Variants in KLHL32 observed in about 807,000 individuals in gnomAD.
KLHL32 encodes kelch-like protein 32.
A neutral mutation model predicts 64.8 loss-of-function variants in KLHL32; 35 were observed. That is an observed-to-expected ratio of 0.54 (90% CI 0.41 to 0.72). The LOEUF (loss-of-function observed/expected upper bound fraction) is 0.72, where lower values mean the gene tolerates loss of function less well. Among genes scored for constraint, KLHL32 ranks in the 30% least tolerant of loss-of-function variants. KLHL32 has a pLI of 0.00. For synonymous variants in KLHL32, 259 were observed against 281.0 expected, an observed-to-expected ratio of 0.92 and a Z score of 0.78; for missense variants, 589 against 768.5, an observed-to-expected ratio of 0.77 and a Z score of 2.76.
At chr6:97,125,333 ATTC>A (rs1798763183) in intron 7 of KLHL32, among the ~76,000 whole-genome samples, 1 of 152,122 alleles carries the variant, frequency 6.6e-6, no homozygotes, top group African/African-American at 2.4e-5. Flanking sequence ...AATCCTCTGG[ATTC>A]TTGTTGACTT....
At chr6:97,056,041 A>G (rs757552664) in intron 4 of KLHL32, among the ~76,000 whole-genome samples, 1 of 149,926 alleles carries the variant, frequency 6.7e-6, no homozygotes, top group Non-Finnish European at 1.5e-5. Flanking sequence ...AAATACTGTC[A>G]TATGTGACCT....
At chr6:97,029,433 A>G (rs992814175) in intron 3 of KLHL32, among the ~76,000 whole-genome samples, 14 of 152,220 alleles carry the variant, frequency 9.2e-5, no homozygotes, top group Non-Finnish European at 1.5e-4. Flanking sequence ...GAAAATTGGT[A>G]TTTTACAGAT....
chr6:97,015,878 A>G (rs549309781), intron 3 of KLHL32, among the ~76,000 whole-genome samples: 1 of 152,262 alleles, frequency 6.6e-6, no homozygotes, highest in Admixed American at 6.5e-5. Context: ...GGTCCCCTGC[A>G]TCTCAGCCAT....
chr6:96,984,228 C>T (rs1343639741), intron 3 of KLHL32, among the ~76,000 whole-genome samples: 1 of 152,218 alleles, frequency 6.6e-6, no homozygotes, highest in Admixed American at 6.5e-5. Context: ...AGTTTGATTG[C>T]ACTGTGGTCT....
At chr6:96,996,002 A>C (rs80136860) in intron 3 of KLHL32, among the ~76,000 whole-genome samples, 1,957 of 152,286 alleles carry the variant, frequency 0.013, 19 homozygotes, top group Non-Finnish European at 0.022. Flanking sequence ...ATAGCAAGAG[A>C]AATGAGGGGC....
At chr6:97,080,094 A>G (rs1792254869) in intron 5 of KLHL32, among the ~76,000 whole-genome samples, 1 of 152,202 alleles carries the variant, frequency 6.6e-6, no homozygotes, top group Non-Finnish European at 1.5e-5. Context: ...TTGGACTGTA[A>G]AAGAAATTTG....
At chr6:96,986,375 G>A (rs1777066238) in intron 3 of KLHL32, among the ~76,000 whole-genome samples, 2 of 152,198 alleles carry the variant, frequency 1.3e-5, no homozygotes, top group Non-Finnish European at 2.9e-5. Context: ...TGCATGCTGG[G>A]AGAACCACTA....
intron 1 of KLHL32, among the ~76,000 whole-genome samples, chr6:96,963,975 A>G (rs1465484043): frequency 1.3e-5 from 2 of 152,224 alleles, no homozygotes; most frequent in East Asian, 3.8e-4. Context: ...AAGTGACAGA[A>G]AAAGAGCCAC....
chr6:96,968,559 A>G (rs1774746612), intron 2 of KLHL32, among the ~76,000 whole-genome samples: 1 of 152,126 alleles, frequency 6.6e-6, no homozygotes, highest in Non-Finnish European at 1.5e-5. Context: ...CATACTTAAA[A>G]TAATTTTTTA....
intron 6 of KLHL32, among the ~76,000 whole-genome samples, chr6:97,101,335 C>A (rs1412239239): frequency 6.6e-6 from 1 of 152,162 alleles, no homozygotes; most frequent in African/African-American, 2.4e-5. Context: ...TTACCTCCAA[C>A]AATTCCAAAT....
chr6:97,106,096 C>T (rs892607837), intron 6 of KLHL32, among the ~76,000 whole-genome samples: 1 of 152,028 alleles, frequency 6.6e-6, no homozygotes, highest in Non-Finnish European at 1.5e-5. Context: ...TTAAAAGAAT[C>T]AGGAATTTTA....
intron 3 of KLHL32, among the ~76,000 whole-genome samples, chr6:97,012,935 T>A (rs1780604297): frequency 6.6e-6 from 1 of 152,218 alleles, no homozygotes; most frequent in Non-Finnish European, 1.5e-5. Context: ...TCCTCAGCAC[T>A]CTAAGTCCAA....
At chr6:97,118,722 C>T (rs1798071429) in intron 7 of KLHL32, among the ~76,000 whole-genome samples, 1 of 151,970 alleles carries the variant, frequency 6.6e-6, no homozygotes, top group Non-Finnish European at 1.5e-5. Flanking sequence ...TGGTCACACA[C>T]ACACAAAACT....
chr6:97,046,175 A>G (rs755617919), intron 4 of KLHL32, among the ~76,000 whole-genome samples: 15 of 152,156 alleles, frequency 9.9e-5, no homozygotes, highest in Non-Finnish European at 1.9e-4. Flanking sequence ...ACCTTCTGAA[A>G]AAGCCAGGGG....
Position 97,074,071 on chromosome 6 carries a change from G to T in KLHL32, c.411+9345G>T, listed in dbSNP as rs374690683. ...CTTCAGAGGCACAGTTGAAGGCCTCGGGTCACACAGTTTGTTTGCTGCAAC... is the reference window on the plus strand; with the variant it reads ...CTTCAGAGGCACAGTTGAAGGCCTCTGGTCACACAGTTTGTTTGCTGCAAC... On this transcript the variant is annotated intron_variant, in intron 5 of 10. Coordinates refer to ENST00000369261, the MANE Select transcript of KLHL32 (RefSeq NM_052904.4). Among the ~76,000 whole-genome samples the T allele has an allele frequency of 5.3e-5, 8 of 152,262 alleles. 1 individual carries two copies. Among genetic ancestry groups the T allele is most frequent in the African/African-American group, 1.9e-4 (8 of 41,558 alleles).
chr6:96,969,601 C>A (rs1384085418), intron 2 of KLHL32, among the ~76,000 whole-genome samples: 1 of 152,156 alleles, frequency 6.6e-6, no homozygotes. Context: ...CAAAAAGTGC[C>A]CAGAGTTTTA....
chr6:96,965,582 A>G (rs1774362432), intron 1 of KLHL32, among the ~76,000 whole-genome samples: 2 of 152,228 alleles, frequency 1.3e-5, no homozygotes, highest in Admixed American at 6.5e-5. Flanking sequence ...AACTCCCTAT[A>G]GTAATCAATA....
At chr6:97,124,968 C>T (rs1203025950) in intron 7 of KLHL32, among the ~76,000 whole-genome samples, 2 of 152,130 alleles carry the variant, frequency 1.3e-5, no homozygotes, top group East Asian at 1.9e-4. Context: ...GCATTTCAGC[C>T]TCAGCTTTCT....
intron 1 of KLHL32, among the ~76,000 whole-genome samples, chr6:96,926,771 C>T (rs1769216588): frequency 6.6e-6 from 1 of 152,162 alleles, no homozygotes; most frequent in Admixed American, 6.5e-5. Context: ...TGTTACTGTC[C>T]AGGCTCTAAA....
Sources: allele counts gnomAD v4.1 joint callset (sites outside exome capture counted in the v4.1 genomes callset), GRCh38; gene constraint gnomAD v4.1.1; transcripts MANE v1.5; gene names NCBI Gene and HGNC (gene_info 2026-07-23, HGNC 2026-07-21).